The following IL20 variants were observed in gnomAD, a reference collection of about 807,000 sequenced individuals.
IL20 encodes the protein interleukin-20.
IL20 carries 22 observed loss-of-function variants against 19.2 expected under a neutral mutation model. The ratio of observed to expected loss-of-function variants is 1.15; its 90% CI spans 0.82 to 1.64. IL20 has a LOEUF of 1.64. Ranked by LOEUF, IL20 falls within the 40% of genes most tolerant of loss-of-function variation. The probability of loss-of-function intolerance (pLI) is 0.00; values close to 1 mark genes in which losing one functional copy is unlikely to be tolerated. For synonymous variants in IL20, 70 were observed against 76.2 expected, an observed-to-expected ratio of 0.92 and a Z score of 0.43; for missense variants, 215 against 212.8, an observed-to-expected ratio of 1.01 and a Z score of -0.06.
Position 206,866,023 on chromosome 1 carries a change from G to A in IL20, c.159+12G>A, listed in dbSNP as rs199852267. On this transcript the variant is annotated intron_variant, in intron 2 of 5. Coordinates refer to ENST00000367098, the MANE Select transcript of IL20 (RefSeq NM_018724.4). ...TACGGGGCAGTGTGGTACGTAAGCGGGTATCTACCTCTCCTGAAAGCCTTT... is the reference window on the plus strand; with the variant it reads ...TACGGGGCAGTGTGGTACGTAAGCGAGTATCTACCTCTCCTGAAAGCCTTT... The A allele has an allele frequency of 3.7e-6, 6 of 1,610,968 alleles. No homozygotes were observed. Among genetic ancestry groups the A allele is most frequent in the Non-Finnish European group, 5.1e-6 (6 of 1,177,264 alleles).
rs952988992 is a variant in IL20 at position 206,868,617 on chromosome 1, C to T, written c.*53C>T. 4 of 1,371,002 alleles carry T rather than the reference C, an allele frequency of 2.9e-6. No individual in the cohort carries two copies. The African/African-American group carries it at 4.3e-5, about 15-fold the overall frequency. The allele number at this position is 1,371,002 out of a possible 1,614,324, so 84.9% of individuals were successfully genotyped here. A position where few individuals can be genotyped will look rare whatever the true frequency, so the allele number is the denominator to read the frequency against. On this transcript the variant is annotated 3_prime_UTR_variant, in exon 6 of 6. Transcript: ENST00000367098. ...ATTCGAGGTCAAGAGCTCCAGTCTT[C>T]AATACCTGCAGAGGAGGCATGACCC...
Position 206,866,339 on chromosome 1 carries a change from G to A in IL20, c.200G>A (p.Arg67Lys). Residue 67 changes from arginine (R) to lysine (K), a missense_variant, in exon 3 of 6, where the codon AGG becomes AAG. Transcript: ENST00000367098. ...AACATTGACATCAGAATCTTAAGGA[G>A]GACTGAGTCTTTGCAAGACACAAAG... ...DGNIDIRILR[R>K]TESLQDTKPA... The A allele has an allele frequency of 6.2e-7, 1 of 1,614,070 alleles. No homozygotes were observed. Among genetic ancestry groups the A allele is most frequent in the Non-Finnish European group, 8.5e-7 (1 of 1,179,992 alleles).
upstream of IL20, among the ~76,000 whole-genome samples, chr1:206,863,733 T>G (rs1677477054): frequency 2.6e-5 from 4 of 152,308 alleles, no homozygotes; most frequent in South Asian, 8.3e-4. Context: ...GGACAAAATC[T>G]CTTTGAGGAC....
rs1677645689 is a variant in IL20 at position 206,869,218 on chromosome 1, A to AT, written c.*655dup. On this transcript the variant is annotated 3_prime_UTR_variant, in exon 6 of 6. Coordinates refer to ENST00000367098, the MANE Select transcript of IL20 (RefSeq NM_018724.4). The stretch of plus-strand genomic sequence containing the variant: ...TTTCTACAAATAAAGTTTTCTTTGC[A>AT]TAACATCTGCTTGGAGTTTGCAAAT... 6.6e-6 allele frequency: 1 copy of AT among 152,308 alleles called. No homozygotes were observed. Among genetic ancestry groups the AT allele is most frequent in the African/African-American group, 2.4e-5 (1 of 41,406 alleles). The allele number at this position is 152,308 out of a possible 1,614,324, so 9.4% of individuals were successfully genotyped here. A position where few individuals can be genotyped will look rare whatever the true frequency, so the allele number is the denominator to read the frequency against.
At chr1:206,866,428 G>C (rs1277049291) in intron 3 of IL20, 56 bp from the exon 4 acceptor site, 2 of 1,613,144 alleles carry the variant, frequency 1.2e-6, no homozygotes, top group African/African-American at 2.7e-5. Flanking sequence ...CCATCACCCT[G>C]GTCTTGTCTC....
upstream of IL20, among the ~76,000 whole-genome samples, chr1:206,864,820 T>A (rs1477870568): frequency 2.0e-5 from 3 of 152,230 alleles, no homozygotes; most frequent in East Asian, 1.9e-4. Flanking sequence ...TAAAATATTT[T>A]TATCTTGATG....
rs764962041 is a variant in IL20, at chr1:206,866,633, C to G, written c.375C>G (p.Leu125=). 5.0e-6 allele frequency: 8 copies of G among 1,613,998 alleles called. No homozygotes were observed. In the South Asian group the frequency reaches 8.8e-5, roughly 18 times the overall value. The part of the protein sequence containing the change: ...SFLTIKKDLR[L]CHAHMTCHCG... ...TTACCATCAAGAAGGACCTCCGGCT[C>G]TGTGTGAGTGTGGGTCTTGGGTGAC... is the stretch of plus-strand genomic sequence containing the variant. Residue 125 remains leucine, a synonymous_variant, in exon 4 of 6, where the codon CTC becomes CTG. Coordinates refer to ENST00000367098, the MANE Select transcript of IL20 (RefSeq NM_018724.4).
chr1:206,864,868 A>G (rs1677502412), upstream of IL20, among the ~76,000 whole-genome samples: 1 of 152,228 alleles, frequency 6.6e-6, no homozygotes, highest in Admixed American at 6.5e-5. Context: ...TTTTGCACCT[A>G]AAATGAGTGC....
At chr1:206,864,754 AT>A (rs1039076920), upstream of IL20, among the ~76,000 whole-genome samples, 20 of 152,288 alleles carry the variant, frequency 1.3e-4, no homozygotes, top group African/African-American at 4.3e-4. Flanking sequence ...TTGTCTTTAT[AT>A]AAAATTTTGA....
upstream of IL20, among the ~76,000 whole-genome samples, chr1:206,863,830 T>A (rs780028490): frequency 6.6e-6 from 1 of 152,202 alleles, no homozygotes; most frequent in Non-Finnish European, 1.5e-5. Context: ...ATCAAATTGT[T>A]AGTTCAGGAC....
In IL20 at chr1:206,865,940, T is replaced by A; in HGVS notation, c.88T>A (p.Leu30Met). 1 of 1,614,172 alleles carries A rather than the reference T, an allele frequency of 6.2e-7. No individual in the cohort carries two copies. Among genetic ancestry groups the A allele is most frequent in the Non-Finnish European group, 8.5e-7 (1 of 1,180,020 alleles). The stretch of plus-strand genomic sequence containing the variant: ...TTCCACTGGACTGAAGACACTCAAT[T>A]TGGGAAGCTGTGTGATCGCCACAAA... ...TPSTGLKTLN[L>M]GSCVIATNLQ... The change falls in exon 2 of 6, where the codon TTG (leucine) becomes ATG (methionine). Residue 30 changes from leucine (L) to methionine (M), a missense_variant. Leu to Met is a conservative substitution (Grantham distance 15). Coordinates refer to ENST00000367098, the MANE Select transcript of IL20 (RefSeq NM_018724.4). The surrounding 1 kb of genome is among the most constrained non-coding windows in gnomAD (Gnocchi z 4.1).
chr1:206,865,488 T>C (rs1677519300), upstream of IL20: 1 of 1,028,342 alleles, frequency 9.7e-7, no homozygotes, highest in Non-Finnish European at 1.2e-6. This position sits in a 1 kb window ranked among gnomAD's most constrained non-coding sequence, Gnocchi z 4.1. Context: ...AAACAAGTTT[T>C]GACATTTCCC....
chr1:206,866,263 G>A (rs765029116), intron 2 of IL20, 36 bp from the exon 3 acceptor site: 1 of 1,603,768 alleles, frequency 6.2e-7, no homozygotes, highest in South Asian at 1.1e-5. Flanking sequence ...AGCAGGCACT[G>A]ACTCATCCTT....
chr1:206,867,454 A>G lies in IL20; in HGVS notation c.449A>G (p.Glu150Gly). 1 of 1,612,872 alleles carries G rather than the reference A, an allele frequency of 6.2e-7. No individual in the cohort carries two copies. The highest frequency in any genetic ancestry group is 8.5e-7 in the Non-Finnish European group (1 of 1,178,936). Residue 150 changes from glutamate to glycine, a missense_variant, in exon 5 of 6, where the codon GAA (glutamate) becomes GGA (glycine). Transcript: ENST00000367098. The part of the protein sequence containing the change: ...KKYSQILSHF[E>G]KLEPQAAVVK... ...TACAGCCAGATTCTGAGTCACTTTGAAAAGGTATATGCGACTTTGGCATTG... is the reference window on the plus strand; with the variant it reads ...TACAGCCAGATTCTGAGTCACTTTGGAAAGGTATATGCGACTTTGGCATTG...
At chr1:206,866,689 C>A (rs964880344) in intron 4 of IL20, 53 bp downstream of exon 4, 16 of 1,531,896 alleles carry the variant, frequency 1.0e-5, no homozygotes, top group Admixed American at 1.7e-5. Context: ...GCTTCAATGG[C>A]TTAGCAACTA....
intron 5 of IL20, 97 bp from the exon 6 acceptor site, chr1:206,868,390 C>T: frequency 1.5e-6 from 1 of 649,608 alleles, no homozygotes; most frequent in Non-Finnish European, 2.4e-6. Context: ...GAATGCTCTG[C>T]TTACAATTGT....
At position 206,866,582 on chromosome 1, in the gene IL20, G is replaced by T. The variant is rs548155536; in HGVS notation, c.324G>T (p.Lys108Asn). 1 of 1,614,190 alleles carries T rather than the reference G, an allele frequency of 6.2e-7. No homozygotes were observed. Among genetic ancestry groups the T allele is most frequent in the African/African-American group, 1.3e-5 (1 of 75,038 alleles). The change falls in exon 4 of 6, where the codon AAG becomes AAT. Residue 108 changes from lysine to asparagine, a missense_variant. Coordinates refer to ENST00000367098, the MANE Select transcript of IL20 (RefSeq NM_018724.4). ...CCCCTGACCATTATACTCTCCGGAAGATCAGCAGCCTCGCCAATTCCTTTC... is the reference window on the plus strand; with the variant it reads ...CCCCTGACCATTATACTCTCCGGAATATCAGCAGCCTCGCCAATTCCTTTC... ...YQTPDHYTLR[K>N]ISSLANSFLT...
upstream of IL20, chr1:206,865,228 TG>T (rs1001443226): frequency 6.6e-6 from 1 of 152,400 alleles, no homozygotes; most frequent in African/African-American, 2.4e-5. This position sits in a 1 kb window ranked among gnomAD's most constrained non-coding sequence, Gnocchi z 4.1. Flanking sequence ...TATTTGCCTC[TG>T]GGGCTTAAGC....
At position 206,868,623 on chromosome 1, in the gene IL20, C is replaced by A; in HGVS notation, c.*59C>A. 7.6e-7 allele frequency: 1 copy of A among 1,315,348 alleles called. No homozygotes were observed. Among genetic ancestry groups the A allele is most frequent in the Non-Finnish European group, 1.0e-6 (1 of 954,306 alleles). The allele number at this position is 1,315,348 out of a possible 1,614,324, so 81.5% of individuals were successfully genotyped here. ...GGTCAAGAGCTCCAGTCTTCAATAC[C>A]TGCAGAGGAGGCATGACCCCAAACC... On this transcript the variant is annotated 3_prime_UTR_variant, in exon 6 of 6. Transcript: ENST00000367098.
Sources: gnomAD v4.1 joint callset for allele counts (sites outside exome capture counted in the v4.1 genomes callset) on GRCh38, gnomAD v4.1.1 for gene constraint, Gnocchi (gnomAD v3.1) non-coding constraint, MANE v1.5 for transcripts, NCBI Gene and HGNC (gene_info 2026-07-23, HGNC 2026-07-21) for gene names.